PAPOLA: variants seen among roughly 807,000 people sequenced by gnomAD.
The protein encoded by PAPOLA is poly(A) polymerase alpha.
PAPOLA carries 15 observed loss-of-function variants against 100.6 expected under a neutral mutation model. The observed-to-expected ratio is 0.15, with a 90% CI of 0.10 to 0.23. The LOEUF is 0.23. Among genes scored for constraint, PAPOLA ranks in the 10% least tolerant of loss-of-function variants. The pLI is 1.00. For synonymous variants in PAPOLA, 293 were observed against 300.0 expected (o/e 0.98, Z 0.24); for missense variants, 533 against 884.2 (o/e 0.60, Z 5.04).
At chr14:96,546,387 A>G (rs1900397917) in intron 15 of PAPOLA, among the ~76,000 whole-genome samples, 1 of 151,994 alleles carries the variant, frequency 6.6e-6, no homozygotes, top group African/African-American at 2.4e-5. Flanking sequence ...TCCAGATGAT[A>G]TTTTTAAGCC....
chr14:96,511,357 T>G (rs955997985), intron 1 of PAPOLA, among the ~76,000 whole-genome samples: 8 of 152,150 alleles, frequency 5.3e-5, no homozygotes, highest in African/African-American at 1.9e-4. Context: ...GCCCAGGCGT[T>G]CGACACCAGC....
chr14:96,547,356 A>G (rs1900474604), intron 15 of PAPOLA, among the ~76,000 whole-genome samples: 1 of 152,110 alleles, frequency 6.6e-6, no homozygotes, highest in Non-Finnish European at 1.5e-5. Context: ...AGTTAGTTTT[A>G]TCTTGCAGAT....
intron 1 of PAPOLA, among the ~76,000 whole-genome samples, chr14:96,505,140 A>T (rs1896619979): frequency 6.6e-6 from 1 of 152,186 alleles, no homozygotes. Context: ...GATCCATTAA[A>T]CAGTTTCTCA....
intron 17 of PAPOLA, among the ~76,000 whole-genome samples, chr14:96,554,230 G>T (rs1182665929): frequency 6.6e-6 from 1 of 152,238 alleles, no homozygotes; most frequent in Non-Finnish European, 1.5e-5. Context: ...TGCTCAACAA[G>T]CAGTGAGTGT....
At chr14:96,522,605 A>G (rs1457905586) in intron 3 of PAPOLA, among the ~76,000 whole-genome samples, 1 of 151,904 alleles carries the variant, frequency 6.6e-6, no homozygotes, top group Non-Finnish European at 1.5e-5. Flanking sequence ...GCTTTTCACC[A>G]TGTTGCCTAG....
intron 1 of PAPOLA, among the ~76,000 whole-genome samples, chr14:96,511,676 A>G (rs996933793): frequency 8.5e-5 from 13 of 152,290 alleles, no homozygotes; most frequent in African/African-American, 2.6e-4. Flanking sequence ...GACTACCTTA[A>G]GCATCTTTGT....
intron 1 of PAPOLA, among the ~76,000 whole-genome samples, chr14:96,508,234 C>T (rs956282610): frequency 1.4e-4 from 22 of 152,180 alleles, no homozygotes; most frequent in African/African-American, 5.1e-4. Context: ...CCACCCCAAC[C>T]GTCTGTGATT....
At position 96,532,316 on chromosome 14, in the gene PAPOLA, A is replaced by C. The variant is rs756682816; in HGVS notation, c.608-15A>C. 3.8e-5 allele frequency: 60 copies of C among 1,572,674 alleles called. No individual in the cohort carries two copies. Among genetic ancestry groups the C allele is most frequent in the Non-Finnish European group, 4.8e-5 (56 of 1,165,728 alleles). On this transcript the variant is annotated splice_polypyrimidine_tract_variant and intron_variant, in intron 7 of 21. Coordinates refer to ENST00000216277, the MANE Select transcript of PAPOLA (RefSeq NM_032632.5). ...TGTGTGTGTGTGTGTGTTTTTTTTT[A>C]CCCCTATTAATTAGGTTGCAGGGTA... is the stretch of plus-strand genomic sequence containing the variant.
At chr14:96,505,248 T>C (rs1197696877) in intron 1 of PAPOLA, among the ~76,000 whole-genome samples, 1 of 152,196 alleles carries the variant, frequency 6.6e-6, no homozygotes, top group Non-Finnish European at 1.5e-5. Context: ...CCTACTGGAT[T>C]CCGGGAGCTC....
At chr14:96,564,051 T>A (rs557916482) in intron 21 of PAPOLA, among the ~76,000 whole-genome samples, 5 of 151,986 alleles carry the variant, frequency 3.3e-5, no homozygotes, top group Non-Finnish European at 7.4e-5. Context: ...AATCACCCAG[T>A]TATGTAAGAA....
Position 96,532,243 on chromosome 14 carries a change from T to C in PAPOLA, c.608-88T>C, listed in dbSNP as rs552038579. Reference sequence around the variant, plus strand: ...AAATTTGGAAGCATTACCATTAAACTTTTGATGATTTAATGTTGTTTTTTT... The same window carrying C: ...AAATTTGGAAGCATTACCATTAAACCTTTGATGATTTAATGTTGTTTTTTT... On this transcript the variant is annotated intron_variant, in intron 7 of 21. Coordinates refer to ENST00000216277, the MANE Select transcript of PAPOLA (RefSeq NM_032632.5). 7 of 1,458,206 alleles carry C rather than the reference T, an allele frequency of 4.8e-6. No individual in the cohort carries two copies. In the Admixed American group the frequency reaches 1.5e-4, roughly 30 times the overall value. The allele number at this position is 1,458,206 out of a possible 1,614,324, so 90.3% of individuals were successfully genotyped here.
Position 96,566,713 on chromosome 14 carries a change from A to T in PAPOLA, c.*1663A>T, listed in dbSNP as rs1902300490. The T allele has an allele frequency of 6.6e-6, 1 of 152,420 alleles. No homozygotes were observed. The highest frequency in any genetic ancestry group is 2.1e-4 in the South Asian group (1 of 4,812). The allele number at this position is 152,420 out of a possible 1,614,324, so 9.4% of individuals were successfully genotyped here. A position where few individuals can be genotyped will look rare whatever the true frequency, so the allele number is the denominator to read the frequency against. ...CAGTCACCTTGCCCTTCCTTCCACC[A>T]CCGAAGAAAAAAGATGGTCATACTA... On this transcript the variant is annotated 3_prime_UTR_variant, in exon 22 of 22. Coordinates refer to ENST00000216277, the MANE Select transcript of PAPOLA (RefSeq NM_032632.5).
intron 15 of PAPOLA, among the ~76,000 whole-genome samples, chr14:96,544,817 G>C (rs1191406909): frequency 6.6e-6 from 1 of 152,036 alleles, no homozygotes; most frequent in Non-Finnish European, 1.5e-5. Flanking sequence ...AGCAGAACTT[G>C]TGATGACCTG....
intron 13 of PAPOLA, 125 bp from the exon 14 acceptor site, chr14:96,542,649 A>G (rs149397613): frequency 0.015 from 13,023 of 868,962 alleles, 154 homozygotes; most frequent in Non-Finnish European, 0.017. Context: ...TTTTGGGTAG[A>G]ACATAAGGCT....
rs1899147113 is a variant in PAPOLA, at chr14:96,532,776, C to G, written c.836+127C>G. 3 of 1,400,198 alleles carry G rather than the reference C, an allele frequency of 2.1e-6. No individual in the cohort carries two copies. The East Asian group carries it at 8.0e-5, about 37-fold the overall frequency. 86.7% of individuals were successfully genotyped at this position (1,400,198 alleles called of 1,614,324 possible). ...TTCATGATGTAGTCATGTAGGCAGCCTTGGAGATCACATTGTGTATAAAAT... is the reference window on the plus strand; with the variant it reads ...TTCATGATGTAGTCATGTAGGCAGCGTTGGAGATCACATTGTGTATAAAAT... On this transcript the variant is annotated intron_variant, in intron 9 of 21. Transcript: ENST00000216277.
chr14:96,523,434 G>T (rs1329896144), intron 3 of PAPOLA, among the ~76,000 whole-genome samples: 1 of 152,212 alleles, frequency 6.6e-6, no homozygotes, highest in Non-Finnish European at 1.5e-5. Flanking sequence ...TTACATCCTT[G>T]CAGAAAGTAC....
At chr14:96,545,456 T>C (rs1423368497) in intron 15 of PAPOLA, among the ~76,000 whole-genome samples, 1 of 152,080 alleles carries the variant, frequency 6.6e-6, no homozygotes, top group African/African-American at 2.4e-5. Flanking sequence ...GGTGACCTGG[T>C]AAAAGTGAAA....
intron 16 of PAPOLA, among the ~76,000 whole-genome samples, chr14:96,549,283 C>G (rs888984236): frequency 2.0e-5 from 3 of 148,290 alleles, no homozygotes; most frequent in African/African-American, 2.5e-5. Context: ...GAGTCTCACT[C>G]TGTTGCCCAG....
intron 12 of PAPOLA, among the ~76,000 whole-genome samples, chr14:96,539,952 A>C (rs1485189107): frequency 6.6e-6 from 1 of 152,160 alleles, no homozygotes; most frequent in Non-Finnish European, 1.5e-5. Flanking sequence ...ATTTGTTTAA[A>C]TGTGGCTGAG....
Sources: allele counts gnomAD v4.1 joint callset (sites outside exome capture counted in the v4.1 genomes callset), GRCh38; gene constraint gnomAD v4.1.1; transcripts MANE v1.5; gene names NCBI Gene and HGNC (gene_info 2026-07-23, HGNC 2026-07-21).